The following MYO18B variants were observed in gnomAD, a reference collection of about 807,000 sequenced individuals.
MYO18B encodes unconventional myosin-XVIIIb.
In MYO18B, 204 loss-of-function variants were observed where a neutral mutation model predicts 273.0. The ratio of observed to expected loss-of-function variants is 0.75; its 90% CI spans 0.67 to 0.84. The LOEUF is 0.84. MYO18B is among the 40% of genes least tolerant of loss of function. The probability of loss-of-function intolerance (pLI) is 0.00; values close to 1 mark genes in which losing one functional copy is unlikely to be tolerated. For synonymous variants in MYO18B, 1,330 were observed against 1,305.7 expected, an observed-to-expected ratio of 1.02 and a Z score of -0.40; for missense variants, 3,212 against 3,287.6, an observed-to-expected ratio of 0.98 and a Z score of 0.56.
At chr22:25,995,928 G>A (rs1933187424) in intron 40 of MYO18B, among the ~76,000 whole-genome samples, 2 of 152,172 alleles carry the variant, frequency 1.3e-5, no homozygotes, top group African/African-American at 2.4e-5. Flanking sequence ...TAGCTGGAAG[G>A]GACATCACCT....
At chr22:26,063,349 T>A in the MYO18B span, among the ~76,000 whole-genome samples, 194 of 152,306 alleles carry the variant, frequency 1.3e-3, no homozygotes, top group Non-Finnish European at 2.1e-3. Context: ...TATTACCTCG[T>A]ATGCTGAACG....
the MYO18B span, among the ~76,000 whole-genome samples, chr22:26,049,803 C>T: frequency 1.3e-5 from 2 of 152,240 alleles, no homozygotes; most frequent in East Asian, 3.8e-4. Flanking sequence ...CTCTGAGCCA[C>T]TGTTTCCTCA....
Position 25,785,501 on chromosome 22 carries a change from A to AG in MYO18B, c.2376+12dup. ...GGGCGTGTGGTCCAAGGTAAGGAGG[A>AG]GGTCCCTCACGGGTGGGATGTGAGT... On this transcript the variant is annotated intron_variant, in intron 11 of 43. Transcript: ENST00000335473. The AG allele has an allele frequency of 6.2e-7, 1 of 1,611,414 alleles. No homozygotes were observed. The highest frequency in any genetic ancestry group is 2.2e-5 in the East Asian group (1 of 44,810).
At chr22:25,945,375 CA>C (rs1249616658) in intron 34 of MYO18B, among the ~76,000 whole-genome samples, 1 of 152,012 alleles carries the variant, frequency 6.6e-6, no homozygotes, top group Non-Finnish European at 1.5e-5. Context: ...GCCTGTCTCC[CA>C]CTGAGAGGGC....
intron 33 of MYO18B, 43 bp downstream of exon 33, chr22:25,911,093 G>T: frequency 7.0e-7 from 1 of 1,437,778 alleles, no homozygotes; most frequent in Non-Finnish European, 9.6e-7. Context: ...AGTATCTCAG[G>T]GACCTATTTG....
At chr22:25,764,322 T>G (rs1275243339) in intron 3 of MYO18B, among the ~76,000 whole-genome samples, 1 of 152,170 alleles carries the variant, frequency 6.6e-6, no homozygotes, top group African/African-American at 2.4e-5. Context: ...GATGACAAGG[T>G]GGACCATGAG....
intron 39 of MYO18B, among the ~76,000 whole-genome samples, chr22:25,971,380 A>G (rs931965781): frequency 3.3e-5 from 5 of 152,206 alleles, no homozygotes; most frequent in African/African-American, 1.2e-4. Context: ...ATGGGTTATC[A>G]GGTAGTTGGG....
At chr22:26,026,078 T>C (rs1936217014) in intron 42 of MYO18B, among the ~76,000 whole-genome samples, 1 of 152,204 alleles carries the variant, frequency 6.6e-6, no homozygotes, top group Non-Finnish European at 1.5e-5. Context: ...GCCCACTGCA[T>C]GTCCCCTTCC....
chr22:26,050,757 C>T, the MYO18B span, among the ~76,000 whole-genome samples: 11 of 152,244 alleles, frequency 7.2e-5, no homozygotes, highest in South Asian at 2.1e-4. Context: ...AGATGAATTA[C>T]GTGTTAGAAC....
chr22:25,829,522 T>TAG (rs2089627846), intron 15 of MYO18B, among the ~76,000 whole-genome samples: 1 of 139,388 alleles, frequency 7.2e-6, no homozygotes, highest in Non-Finnish European at 1.5e-5. Flanking sequence ...TCTTTTTTCA[T>TAG]AAAAAAAAAA....
chr22:25,779,431 A>G (rs1004806732), intron 8 of MYO18B, among the ~76,000 whole-genome samples: 1 of 152,204 alleles, frequency 6.6e-6, no homozygotes, highest in Non-Finnish European at 1.5e-5. Context: ...CTGCTGGGCT[A>G]TACTGCTTCT....
rs752293477 is a variant in MYO18B, at chr22:25,846,256, C to G, written c.3525C>G (p.Ala1175=). 2.5e-6 allele frequency: 4 copies of G among 1,611,880 alleles called. No individual in the cohort carries two copies. Among genetic ancestry groups the G allele is most frequent in the Non-Finnish European group, 3.4e-6 (4 of 1,179,800 alleles). Reference sequence around the variant, plus strand: ...GCCTTGCCGCGGTGAGGAGGAAAGCCCCGTGCTCCCAGATCAAGCTGCAGA... The same window carrying G: ...GCCTTGCCGCGGTGAGGAGGAAAGCGCCGTGCTCCCAGATCAAGCTGCAGA... The part of the protein sequence containing the change: ...ASSLAAVRRK[A]PCSQIKLQMD... Residue 1175 remains alanine, a synonymous_variant, in exon 19 of 44, where the codon GCC becomes GCG. Transcript: ENST00000335473.
At chr22:26,000,223 A>G (rs1933822781) in intron 40 of MYO18B, among the ~76,000 whole-genome samples, 1 of 152,228 alleles carries the variant, frequency 6.6e-6, no homozygotes, top group African/African-American at 2.4e-5. Flanking sequence ...TAAAAGGGCC[A>G]ATGTGTTTCA....
At chr22:25,826,976 T>TACTCGGGAG (rs1277125205) in intron 14 of MYO18B, among the ~76,000 whole-genome samples, 2 of 152,078 alleles carry the variant, frequency 1.3e-5, no homozygotes, top group South Asian at 4.1e-4. Context: ...CAGGGAGAAT[T>TACTCGGGAG]GCTTGAACCT....
intron 39 of MYO18B, among the ~76,000 whole-genome samples, chr22:25,975,903 A>G (rs1243938056): frequency 6.6e-6 from 1 of 152,186 alleles, no homozygotes; most frequent in African/African-American, 2.4e-5. Context: ...TGAGGTTTAC[A>G]CTTTTAAGAT....
intron 34 of MYO18B, among the ~76,000 whole-genome samples, chr22:25,929,639 A>G (rs1293214708): frequency 6.6e-6 from 1 of 152,164 alleles, no homozygotes; most frequent in African/African-American, 2.4e-5. Context: ...AAGGATTTGC[A>G]CTGAACTCTT....
intron 39 of MYO18B, among the ~76,000 whole-genome samples, chr22:25,969,917 A>G (rs917796049): frequency 2.0e-5 from 3 of 152,204 alleles, no homozygotes; most frequent in Admixed American, 1.3e-4. Flanking sequence ...CCCGCCTATC[A>G]TCATCATCAT....
At chr22:25,753,111 G>T (rs1039994398) in intron 1 of MYO18B, among the ~76,000 whole-genome samples, 2 of 152,216 alleles carry the variant, frequency 1.3e-5, no homozygotes, top group African/African-American at 4.8e-5. Flanking sequence ...CGCGCGGCCA[G>T]AGCCTCCACG....
At chr22:26,012,581 G>A (rs906845274) in intron 42 of MYO18B, among the ~76,000 whole-genome samples, 1 of 152,232 alleles carries the variant, frequency 6.6e-6, no homozygotes, top group African/African-American at 2.4e-5. Flanking sequence ...AACAGGTGAA[G>A]TCTGAATGTA....
Sources: allele counts gnomAD v4.1 joint callset (sites outside exome capture counted in the v4.1 genomes callset), GRCh38; gene constraint gnomAD v4.1.1; transcripts MANE v1.5; gene names NCBI Gene and HGNC (gene_info 2026-07-23, HGNC 2026-07-21).